The following ASAH1 variants were observed in gnomAD, a reference collection of about 807,000 sequenced individuals.
ASAH1 encodes acid ceramidase.
Under a neutral mutation model 59.5 loss-of-function variants are expected in ASAH1, and 70 were observed. That is an observed-to-expected ratio of 1.18 (90% CI 0.97 to 1.43). The LOEUF is 1.43. Ranked by LOEUF, ASAH1 falls within the 40% of genes most tolerant of loss-of-function variation. The pLI, the probability that ASAH1 is intolerant of heterozygous loss-of-function variation, is 0.00. For synonymous variants in ASAH1, 213 were observed against 166.5 expected (o/e 1.28, Z -2.15); for missense variants, 660 against 482.5 (o/e 1.37, Z -3.45).
chr8:18,081,256 C>T (rs558551952), intron 1 of ASAH1, among the ~76,000 whole-genome samples: 8 of 152,256 alleles, frequency 5.3e-5, no homozygotes, highest in Non-Finnish European at 8.8e-5. Context: ...TCAGCTCATT[C>T]GCCCTCCTGA....
chr8:18,072,835 C>T (rs77711859), intron 2 of ASAH1, among the ~76,000 whole-genome samples: 2,380 of 152,244 alleles, frequency 0.016, 58 homozygotes, highest in African/African-American at 0.054. Context: ...AACTCAGTGG[C>T]CTGTTGGAGA....
chr8:18,067,869 T>G (rs1401362912), intron 4 of ASAH1: 1 of 152,226 alleles, frequency 6.6e-6, no homozygotes, highest in Non-Finnish European at 1.5e-5. Flanking sequence ...ATATATTTAT[T>G]CTCAATGGCA....
chr8:18,079,265 T>C (rs1800545268), intron 1 of ASAH1, among the ~76,000 whole-genome samples: 2 of 121,902 alleles, frequency 1.6e-5, no homozygotes, highest in South Asian at 2.9e-4. Context: ...AGAGCAAGAC[T>C]CCATCTCAGA....
At chr8:18,069,976 G>A (rs1800093979) in intron 3 of ASAH1, 98 bp from the exon 4 acceptor site, 1 of 767,336 alleles carries the variant, frequency 1.3e-6, no homozygotes, top group Non-Finnish European at 2.1e-6. Context: ...AGTGCTATTT[G>A]ACAATTTATA....
At position 18,063,943 on chromosome 8, in the gene ASAH1, C is replaced by A. The variant is rs2073571; in HGVS notation, c.457+514G>T. 1,518 of 173,758 alleles carry A rather than the reference C, an allele frequency of 8.7e-3. 64 individuals carry two copies. Among genetic ancestry groups the A allele is most frequent in the Admixed American group, 0.065 (1,146 of 17,640 alleles). The allele number at this position is 173,758 out of a possible 1,614,324, so 10.8% of individuals were successfully genotyped here. ...AGGGTAAGGTACAGGCAGATTTATACCCAGAGTATAGGTCAAAGATCAGGG... is the reference window on the plus strand; with the variant it reads ...AGGGTAAGGTACAGGCAGATTTATAACCAGAGTATAGGTCAAAGATCAGGG... On this transcript the variant is annotated intron_variant, in intron 6 of 13. Transcript: ENST00000637790.
intron 2 of ASAH1, among the ~76,000 whole-genome samples, chr8:18,075,136 C>A (rs1450780754): frequency 6.6e-6 from 1 of 151,554 alleles, no homozygotes; most frequent in Non-Finnish European, 1.5e-5. Context: ...GCTGGGACTA[C>A]AGGCGCCCGC....
chr8:18,068,254 G>C (rs767916763), intron 4 of ASAH1: 1 of 152,178 alleles, frequency 6.6e-6, no homozygotes, highest in Non-Finnish European at 1.5e-5. Flanking sequence ...GTATGTGACT[G>C]ATCCAGCCTT....
chr8:18,081,964 G>A (rs1800673778), intron 1 of ASAH1, among the ~76,000 whole-genome samples: 1 of 152,162 alleles, frequency 6.6e-6, no homozygotes, highest in Non-Finnish European at 1.5e-5. Flanking sequence ...TCTGCCAAAT[G>A]GAGATGTTAA....
At chr8:18,072,325 C>T (rs545342419) in intron 2 of ASAH1, among the ~76,000 whole-genome samples, 1 of 152,286 alleles carries the variant, frequency 6.6e-6, no homozygotes, top group South Asian at 2.1e-4. Context: ...GTTATCTAGA[C>T]TTATGTCCAT....
intron 5 of ASAH1, chr8:18,064,930 G>T: frequency 5.8e-6 from 1 of 171,140 alleles, no homozygotes; most frequent in Non-Finnish European, 1.3e-5. Context: ...TTTCTAAGGT[G>T]AAAAAGGAGA....
intron 10 of ASAH1, 144 bp from the exon 11 acceptor site, chr8:18,059,847 T>A: frequency 1.3e-6 from 1 of 764,228 alleles, no homozygotes; most frequent in East Asian, 2.8e-5. Flanking sequence ...CGTGCCATGG[T>A]GGTTTGCTGC....
chr8:18,081,108 G>C (rs533995903), intron 1 of ASAH1, among the ~76,000 whole-genome samples: 36 of 152,110 alleles, frequency 2.4e-4, no homozygotes, highest in African/African-American at 7.5e-4. Context: ...AAATGAAAAC[G>C]ATCCTCATTC....
chr8:18,067,132 AC>A, intron 5 of ASAH1, 87 bp downstream of exon 5: 1 of 568,704 alleles, frequency 1.8e-6, no homozygotes, highest in Non-Finnish European at 2.4e-6. Flanking sequence ...GACATACAGC[AC>A]CTGTGCTGTA....
Position 18,084,044 on chromosome 8 carries a change from A to T in ASAH1, c.15T>A (p.Ser5Arg), listed in dbSNP as rs1441781482. 1 of 1,598,378 alleles carries T rather than the reference A, an allele frequency of 6.3e-7. No individual in the cohort carries two copies. The highest frequency in any genetic ancestry group is 8.5e-7 in the Non-Finnish European group (1 of 1,179,624). ...CAGCCAGGAGGACTAAGGCGACGCA[A>T]CTCCGGCCCGGCATCGCTCTAGCAG... The part of the protein sequence containing the change: MPGR[S>R]CVALVLLAAA... The change falls in exon 1 of 14, where the codon AGT becomes AGA. Residue 5 changes from serine to arginine, a missense_variant. Physicochemically the swap from Ser to Arg is moderately radical, Grantham distance 110. Coordinates refer to ENST00000637790, the MANE Select transcript of ASAH1 (RefSeq NM_177924.5).
intron 1 of ASAH1, 162 bp downstream of exon 1, chr8:18,083,819 C>A (rs1291625303): frequency 1.4e-6 from 2 of 1,429,242 alleles, no homozygotes; most frequent in Non-Finnish European, 1.9e-6. Context: ...GGTTCGCCAG[C>A]CCGCTCTGCA....
At chr8:18,075,379 G>A in intron 2 of ASAH1, 162 bp downstream of exon 2, 2 of 793,800 alleles carry the variant, frequency 2.5e-6, no homozygotes. Flanking sequence ...CAAGATCTCA[G>A]CCAAATGCAT....
rs147610077 is a variant in ASAH1, at chr8:18,056,042, C to T, written c.*1492G>A. The T allele has an allele frequency of 2.7e-4, 41 of 152,030 alleles. 2 individuals carry two copies. In the East Asian group the frequency reaches 7.9e-3, roughly 29 times the overall value. The allele number at this position is 152,030 out of a possible 1,614,324, so 9.4% of individuals were successfully genotyped here. Reference sequence around the variant, plus strand: ...GGCATATCAAAGGTTATTACATTAACAAAAAAATACATCAAGTTGACCTGA... The same window carrying T: ...GGCATATCAAAGGTTATTACATTAATAAAAAAATACATCAAGTTGACCTGA... On this transcript the variant is annotated 3_prime_UTR_variant, in exon 14 of 14. Coordinates refer to ENST00000637790, the MANE Select transcript of ASAH1 (RefSeq NM_177924.5).
chr8:18,075,352 A>G, intron 2 of ASAH1, 189 bp downstream of exon 2: 1 of 716,366 alleles, frequency 1.4e-6, no homozygotes, highest in East Asian at 2.6e-5. Flanking sequence ...GAATCGGAAG[A>G]TATTTTCATA....
At chr8:18,075,805 G>T in intron 1 of ASAH1, 1 of 580,408 alleles carries the variant, frequency 1.7e-6, no homozygotes, top group East Asian at 2.9e-5. Flanking sequence ...TTGTAAAAGT[G>T]CTAGGTGTTA....
Sources: allele counts gnomAD v4.1 joint callset (sites outside exome capture counted in the v4.1 genomes callset), GRCh38; gene constraint gnomAD v4.1.1; transcripts MANE v1.5; gene names NCBI Gene and HGNC (gene_info 2026-07-23, HGNC 2026-07-21).